DEPDC1B: variants seen among roughly 807,000 people sequenced by gnomAD.
DEPDC1B encodes the protein DEP domain containing 1B.
DEPDC1B carries 51 observed loss-of-function variants against 66.5 expected under a neutral mutation model. The observed-to-expected ratio is 0.77, with a 90% confidence interval of 0.61 to 0.97. The LOEUF is 0.97. Ranked by LOEUF, DEPDC1B falls within the 50% of genes least tolerant of loss-of-function variation. The pLI is 0.00. For missense variants in DEPDC1B, 552 were observed against 637.1 expected (o/e 0.87, Z 1.44); for synonymous variants, 226 against 223.6 (o/e 1.01, Z -0.10).
chr5:60,640,016 G>A (rs1171680308), intron 6 of DEPDC1B, among the ~76,000 whole-genome samples: 1 of 152,066 alleles, frequency 6.6e-6, no homozygotes, highest in African/African-American at 2.4e-5. Flanking sequence ...AAGCATTCTG[G>A]GTCTTTACAT....
chr5:60,647,339 G>A, intron 3 of DEPDC1B, 59 bp downstream of exon 3: 1 of 1,521,654 alleles, frequency 6.6e-7, no homozygotes, highest in Non-Finnish European at 8.8e-7. Context: ...CCAAGCCTAG[G>A]AGTTCATGGA....
At chr5:60,669,360 C>G (rs547648713) in intron 2 of DEPDC1B, among the ~76,000 whole-genome samples, 2 of 152,230 alleles carry the variant, frequency 1.3e-5, no homozygotes, top group African/African-American at 4.8e-5. Context: ...CTTTGGCCAG[C>G]CTGCCTCCTT....
chr5:60,642,063 T>C (rs1753203572), intron 6 of DEPDC1B, among the ~76,000 whole-genome samples: 1 of 152,200 alleles, frequency 6.6e-6, no homozygotes, highest in Non-Finnish European at 1.5e-5. Flanking sequence ...CTAATTTCAG[T>C]TAAACCCATG....
At chr5:60,654,048 A>G (rs1270930796) in intron 2 of DEPDC1B, among the ~76,000 whole-genome samples, 1 of 149,280 alleles carries the variant, frequency 6.7e-6, no homozygotes, top group African/African-American at 2.5e-5. Context: ...TAATACTTCC[A>G]GATTTGTTCT....
intron 7 of DEPDC1B, among the ~76,000 whole-genome samples, chr5:60,606,502 G>C (rs1439162591): frequency 6.7e-6 from 1 of 150,294 alleles, no homozygotes; most frequent in African/African-American, 2.5e-5. Context: ...GCCAGGCACA[G>C]TGGCTCACGC....
Position 60,654,321 on chromosome 5 carries a change from T to G in DEPDC1B, c.315-6788A>C, listed in dbSNP as rs184514625. Among the ~76,000 whole-genome samples, 5 of 148,926 alleles carry G rather than the reference T, an allele frequency of 3.4e-5. No individual in the cohort carries two copies. In the East Asian group the frequency reaches 1.0e-3, roughly 31 times the overall value. ...GTTTTCTTTGTAGAGATCTTTCCCC[T>G]TCTTGATTAGGTATATTCCCTAAGT... On this transcript the variant is annotated intron_variant, in intron 2 of 10. Coordinates refer to ENST00000265036, the MANE Select transcript of DEPDC1B (RefSeq NM_018369.3).
At chr5:60,647,686 T>A in intron 2 of DEPDC1B, 153 bp from the exon 3 acceptor site, 3 of 677,430 alleles carry the variant, frequency 4.4e-6, no homozygotes, top group Non-Finnish European at 6.7e-6. Context: ...TTTAAACTGC[T>A]CTATACCATA....
At chr5:60,605,382 T>C (rs890727599) in intron 8 of DEPDC1B, among the ~76,000 whole-genome samples, 3 of 152,220 alleles carry the variant, frequency 2.0e-5, no homozygotes, top group African/African-American at 4.8e-5. Context: ...CTATAATGTA[T>C]ACATGAATTA....
chr5:60,650,175 AC>A (rs10712129), intron 2 of DEPDC1B, among the ~76,000 whole-genome samples: 89,071 of 151,710 alleles, frequency 0.59, 26,342 homozygotes, highest in East Asian at 0.77. Flanking sequence ...ATAAAGCAAG[AC>A]CCCCATCTCT....
In DEPDC1B at chr5:60,675,903, CTTTTTTTT is replaced by C. The variant is rs35113345; in HGVS notation, c.314+11051_314+11058del. 3.6e-5 allele frequency among the ~76,000 whole-genome samples: 5 copies of C among 138,978 alleles called. No individual in the cohort carries two copies. The South Asian group carries it at 1.1e-3, about 32-fold the overall frequency. The allele number at this position is 138,978 out of a possible 152,430, so 91.2% of individuals were successfully genotyped here. On this transcript the variant is annotated intron_variant, in intron 2 of 10. Coordinates refer to ENST00000265036, the MANE Select transcript of DEPDC1B (RefSeq NM_018369.3). The stretch of plus-strand genomic sequence containing the variant: ...TAGCTGCCTTCTCTGTTTCTTTTTT[CTTTTTTTT>C]TTTTTTGTTTTTTGTTTTTTTGTTT...
intron 2 of DEPDC1B, among the ~76,000 whole-genome samples, chr5:60,674,303 A>T (rs1754109278): frequency 6.6e-6 from 1 of 152,226 alleles, no homozygotes; most frequent in Admixed American, 6.5e-5. Flanking sequence ...AAAAAAGGAC[A>T]TTATAAAACA....
At chr5:60,677,915 G>A (rs1188586399) in intron 2 of DEPDC1B, among the ~76,000 whole-genome samples, 1 of 152,130 alleles carries the variant, frequency 6.6e-6, no homozygotes, top group Non-Finnish European at 1.5e-5. Flanking sequence ...CCACTAGAGG[G>A]AGGAAGTAGT....
Position 60,633,857 on chromosome 5 carries a change from G to A in DEPDC1B, c.898+4893C>T, listed in dbSNP as rs557607739. On this transcript the variant is annotated intron_variant, in intron 7 of 10. Transcript: ENST00000265036. ...TGAAAGTAATTTCACATTAATGCAGGCTATAAAATACCATTTTATTTGAAA... is the reference window on the plus strand; with the variant it reads ...TGAAAGTAATTTCACATTAATGCAGACTATAAAATACCATTTTATTTGAAA... Among the ~76,000 whole-genome samples, 11 of 152,244 alleles carry A rather than the reference G, an allele frequency of 7.2e-5. No individual in the cohort carries two copies. In the South Asian group the frequency reaches 2.3e-3, roughly 32 times the overall value.
At chr5:60,694,707 A>G (rs1274792461) in intron 1 of DEPDC1B, among the ~76,000 whole-genome samples, 5 of 152,178 alleles carry the variant, frequency 3.3e-5, no homozygotes, top group Non-Finnish European at 7.4e-5. Flanking sequence ...TTTAAAATCA[A>G]TTTTAAGAAC....
At chr5:60,699,391 G>GCATA (rs1554056846) in intron 1 of DEPDC1B, among the ~76,000 whole-genome samples, 1 of 138,188 alleles carries the variant, frequency 7.2e-6, no homozygotes, top group African/African-American at 2.8e-5. Flanking sequence ...ACCCTTTATT[G>GCATA]TTCCAAGTCA....
intron 7 of DEPDC1B, among the ~76,000 whole-genome samples, chr5:60,621,157 A>T (rs10054494): frequency 0.14 from 20,649 of 151,430 alleles, 2,504 homozygotes; most frequent in African/African-American, 0.33. Context: ...GGGTAGGGGG[A>T]GGGATAGCAT....
At chr5:60,622,844 GT>G (rs1346147628) in intron 7 of DEPDC1B, among the ~76,000 whole-genome samples, 1 of 151,932 alleles carries the variant, frequency 6.6e-6, no homozygotes, top group African/African-American at 2.4e-5. Context: ...GTTGTGTCCA[GT>G]TTTTTTGTTT....
At chr5:60,653,404 G>A (rs1166645006) in intron 2 of DEPDC1B, among the ~76,000 whole-genome samples, 1 of 131,488 alleles carries the variant, frequency 7.6e-6, no homozygotes, top group Non-Finnish European at 1.5e-5. Context: ...ATCTTTTTTT[G>A]AGAATTGTCT....
rs199716657 is a variant in DEPDC1B at position 60,642,830 on chromosome 5, T to C, written c.739A>G (p.Met247Val). ...KELPHWVLSA[M>V]KCLANWPNCS... is the part of the protein sequence containing the mutation. The stretch of plus-strand genomic sequence containing the variant: ...TACTTACAATTTGCCAAACACTTCA[T>C]AGCTGACAGCACCCAATGAGGAAGT... The change falls in exon 6 of 11, where the codon ATG (methionine) becomes GTG (valine). Residue 247 changes from methionine to valine, a missense_variant. Coordinates refer to ENST00000265036, the MANE Select transcript of DEPDC1B (RefSeq NM_018369.3). 6.5e-5 allele frequency: 104 copies of C among 1,611,552 alleles called. 1 individual carries two copies. Among genetic ancestry groups the C allele is most frequent in the Non-Finnish European group, 2.5e-5 (29 of 1,179,208 alleles).
Sources: gnomAD v4.1 joint callset for allele counts (sites outside exome capture counted in the v4.1 genomes callset) on GRCh38, gnomAD v4.1.1 for gene constraint, MANE v1.5 for transcripts, NCBI Gene and HGNC (gene_info 2026-07-23, HGNC 2026-07-21) for gene names.